RPS6KB1: variants seen among roughly 807,000 people sequenced by gnomAD.
RPS6KB1 encodes ribosomal protein S6 kinase beta-1.
RPS6KB1 carries 12 observed loss-of-function variants against 70.2 expected under a neutral mutation model. The ratio of observed to expected loss-of-function variants is 0.17; its 90% CI spans 0.11 to 0.28. The LOEUF is 0.28. RPS6KB1 is among the 10% of genes least tolerant of loss of function. The probability of loss-of-function intolerance (pLI) is 1.00; values close to 1 mark genes in which losing one functional copy is unlikely to be tolerated. For missense variants in RPS6KB1, 270 were observed against 646.6 expected, an observed-to-expected ratio of 0.42 and a Z score of 6.32; for synonymous variants, 175 against 211.2, an observed-to-expected ratio of 0.83 and a Z score of 1.49.
chr17:59,922,276 G>A (rs531284591), intron 4 of RPS6KB1, among the ~76,000 whole-genome samples: 1 of 151,840 alleles, frequency 6.6e-6, no homozygotes, highest in Admixed American at 6.6e-5. Context: ...CCTGACCTCA[G>A]GTGAGCCGCT....
At chr17:59,894,350 C>T (rs1325208477) in intron 1 of RPS6KB1, among the ~76,000 whole-genome samples, 1 of 152,036 alleles carries the variant, frequency 6.6e-6, no homozygotes, top group African/African-American at 2.4e-5. Context: ...ATCACTGATC[C>T]TGGACCAAAT....
rs1467678772 is a variant in RPS6KB1 at position 59,934,729 on chromosome 17, C to T, written c.870+205C>T. 1.9e-6 allele frequency: 1 copy of T among 520,880 alleles called. No individual in the cohort carries two copies. The allele number at this position is 520,880 out of a possible 1,614,324, so 32.3% of individuals were successfully genotyped here. A position where few individuals can be genotyped will look rare whatever the true frequency, so the allele number is the denominator to read the frequency against. ...ACATTTTCTTTTAAATGATCTATGT[C>T]ATGGCAGGCCTGTGAAATAGATGTT... On this transcript the variant is annotated intron_variant, in intron 9 of 14. Coordinates refer to ENST00000225577, the MANE Select transcript of RPS6KB1 (RefSeq NM_003161.4). This position sits in a 1 kb window ranked among gnomAD's most constrained non-coding sequence, Gnocchi z 4.8.
chr17:59,942,059 C>T (rs1355126844), intron 13 of RPS6KB1, among the ~76,000 whole-genome samples: 5 of 152,046 alleles, frequency 3.3e-5, no homozygotes, highest in South Asian at 2.1e-4. Context: ...GGGGTTTCAT[C>T]GTGTTAGCCA....
chr17:59,900,399 C>T (rs1568378347), intron 1 of RPS6KB1, among the ~76,000 whole-genome samples: 1 of 151,992 alleles, frequency 6.6e-6, no homozygotes, highest in Non-Finnish European at 1.5e-5. Flanking sequence ...GAGTCTCACT[C>T]TTGTCATCCA....
At chr17:59,937,356 G>T (rs1459510249) in intron 12 of RPS6KB1, among the ~76,000 whole-genome samples, 1 of 152,086 alleles carries the variant, frequency 6.6e-6, no homozygotes, top group Non-Finnish European at 1.5e-5. Context: ...TCAAAGTATA[G>T]AATATGTGTG....
chr17:59,921,044 A>C (rs574665549), intron 4 of RPS6KB1, among the ~76,000 whole-genome samples: 4 of 152,226 alleles, frequency 2.6e-5, no homozygotes, highest in Non-Finnish European at 4.4e-5. Context: ...TGTGTTATTT[A>C]TGTCGGATAA....
rs185148337 is a variant in RPS6KB1, at chr17:59,945,694, T to G, written c.1340+176T>G. Among the ~76,000 whole-genome samples, 257 of 152,324 alleles carry G rather than the reference T, an allele frequency of 1.7e-3. 1 individual carries two copies. The highest frequency in any genetic ancestry group is 5.9e-3 in the African/African-American group (245 of 41,568). On this transcript the variant is annotated intron_variant, in intron 14 of 14. Transcript: ENST00000225577. ...GGACTAGTCTGACTAATCTATGATG[T>G]TATATGGTTTACCTTCCCTCCCAAA...
At chr17:59,912,978 A>C (rs535751991) in intron 3 of RPS6KB1, among the ~76,000 whole-genome samples, 174 bp downstream of exon 3, 1 of 152,174 alleles carries the variant, frequency 6.6e-6, no homozygotes. Context: ...CCTTCTTTTC[A>C]TACCACCACA....
intron 4 of RPS6KB1, among the ~76,000 whole-genome samples, chr17:59,922,996 C>T (rs1465694719): frequency 4.7e-5 from 7 of 148,182 alleles, no homozygotes; most frequent in African/African-American, 1.5e-4. Context: ...CCTCCTGAGT[C>T]GCTGGGATAG....
At chr17:59,913,988 A>G (rs1598715198) in intron 3 of RPS6KB1, among the ~76,000 whole-genome samples, 1 of 152,094 alleles carries the variant, frequency 6.6e-6, no homozygotes, top group African/African-American at 2.4e-5. Flanking sequence ...GTTGTGAGCC[A>G]CCTCACCTGG....
chr17:59,901,760 G>C (rs2041965239), intron 1 of RPS6KB1, among the ~76,000 whole-genome samples: 2 of 151,814 alleles, frequency 1.3e-5, no homozygotes, highest in South Asian at 2.1e-4. Context: ...TAGGCCCAGT[G>C]TGGCTCATAC....
At position 59,936,553 on chromosome 17, in the gene RPS6KB1, T is replaced by C; in HGVS notation, c.1119+12T>C. 6.3e-7 allele frequency: 1 copy of C among 1,596,252 alleles called. No homozygotes were observed. The highest frequency in any genetic ancestry group is 8.6e-7 in the Non-Finnish European group (1 of 1,163,820). On this transcript the variant is annotated intron_variant, in intron 12 of 14. Transcript: ENST00000225577. ...TTAAACCTCTGTTGGTAAGTATACA[T>C]GAAAGTGTATAATTGGGTGCAGTGG...
chr17:59,911,774 T>TA (rs2042658276), intron 2 of RPS6KB1, among the ~76,000 whole-genome samples: 1 of 151,630 alleles, frequency 6.6e-6, no homozygotes, highest in Non-Finnish European at 1.5e-5. Flanking sequence ...TTTTGTATTT[T>TA]TAGTGGAGAC....
chr17:59,907,078 A>G (rs892939946), intron 1 of RPS6KB1: 1 of 147,956 alleles, frequency 6.8e-6, no homozygotes, highest in Non-Finnish European at 1.5e-5. Flanking sequence ...ATCTTGGCTC[A>G]CTGCAAGCTC....
intron 5 of RPS6KB1, among the ~76,000 whole-genome samples, chr17:59,928,456 A>G (rs909198929): frequency 6.6e-6 from 1 of 151,238 alleles, no homozygotes. Context: ...TCTTGGGCTC[A>G]CTACAACCTC....
chr17:59,920,963 G>A (rs1304780291), intron 4 of RPS6KB1, among the ~76,000 whole-genome samples: 2 of 152,164 alleles, frequency 1.3e-5, no homozygotes, highest in African/African-American at 4.8e-5. Context: ...CCCCTAAAGT[G>A]CTGGAATTAT....
intron 4 of RPS6KB1, among the ~76,000 whole-genome samples, chr17:59,915,054 T>C (rs542785838): frequency 5.9e-5 from 9 of 151,992 alleles, no homozygotes; most frequent in Non-Finnish European, 1.2e-4. Flanking sequence ...GGTGGTGCGA[T>C]GTCGGCTCAC....
At chr17:59,907,340 G>C (rs535448821) in intron 1 of RPS6KB1, 1 of 152,234 alleles carries the variant, frequency 6.6e-6, no homozygotes, top group South Asian at 2.1e-4. Flanking sequence ...GGATCAGCTT[G>C]TCAATTTCTG....
intron 3 of RPS6KB1, among the ~76,000 whole-genome samples, chr17:59,914,064 T>C (rs1477786907): frequency 1.3e-5 from 2 of 152,212 alleles, no homozygotes; most frequent in Non-Finnish European, 2.9e-5. Context: ...ATTTTCATTC[T>C]GCGGTTGGTT....
Sources: allele counts gnomAD v4.1 joint callset (sites outside exome capture counted in the v4.1 genomes callset), GRCh38; gene constraint gnomAD v4.1.1; non-coding constraint Gnocchi (gnomAD v3.1); transcripts MANE v1.5; gene names NCBI Gene and HGNC (gene_info 2026-07-23, HGNC 2026-07-21).